PRPF3: variants seen among roughly 807,000 people sequenced by gnomAD.
PRPF3 encodes the protein U4/U6 small nuclear ribonucleoprotein Prp3.
PRPF3 carries 3 observed loss-of-function variants against 89.2 expected under a neutral mutation model. The observed-to-expected ratio is 0.03, with a 90% CI of 0.02 to 0.09. The LOEUF (loss-of-function observed/expected upper bound fraction) is 0.09. Among genes scored for constraint, PRPF3 ranks in the 10% least tolerant of loss-of-function variants. PRPF3 has a pLI of 1.00. For missense variants in PRPF3, 463 were observed against 828.8 expected, an observed-to-expected ratio of 0.56 and a Z score of 5.42; for synonymous variants, 270 against 289.1, an observed-to-expected ratio of 0.93 and a Z score of 0.67.
intron 7 of PRPF3, among the ~76,000 whole-genome samples, chr1:150,335,822 G>A (rs1656924393): frequency 6.7e-6 from 1 of 148,234 alleles, no homozygotes; most frequent in Non-Finnish European, 1.5e-5. Flanking sequence ...GGGCTGGAGT[G>A]CAGTGGTACA....
At chr1:150,341,105 C>CAAAAA (rs71086503) in intron 9 of PRPF3, among the ~76,000 whole-genome samples, 7 of 86,718 alleles carry the variant, frequency 8.1e-5, no homozygotes, top group South Asian at 4.2e-4. Flanking sequence ...GACCTTGTCT[C>CAAAAA]AAAAAAAAAA....
intron 14 of PRPF3, among the ~76,000 whole-genome samples, chr1:150,347,028 G>A (rs587733500): frequency 1.3e-5 from 2 of 152,214 alleles, no homozygotes; most frequent in South Asian, 2.1e-4. Context: ...GGAGGTCGAG[G>A]CTGCAGTAAG....
chr1:150,338,105 T>G, intron 7 of PRPF3, 55 bp from the exon 8 acceptor site: 1 of 1,553,328 alleles, frequency 6.4e-7, no homozygotes, highest in Non-Finnish European at 8.8e-7. Context: ...ATTCTACACA[T>G]TCTGTTTTCT....
At chr1:150,322,185 T>A (rs917433244) in intron 1 of PRPF3, among the ~76,000 whole-genome samples, 2 of 152,228 alleles carry the variant, frequency 1.3e-5, no homozygotes, top group Admixed American at 1.3e-4. Context: ...AAATTGCTTA[T>A]ACTTTCTAGC....
chr1:150,352,872 A>C lies in PRPF3; in HGVS notation c.1945A>C (p.Lys649Gln), dbSNP rs1553874717. 6.2e-7 allele frequency: 1 copy of C among 1,614,216 alleles called. No individual in the cohort carries two copies. Among genetic ancestry groups the C allele is most frequent in the Non-Finnish European group, 8.5e-7 (1 of 1,180,036 alleles). Residue 649 changes from lysine to glutamine, a missense_variant, in exon 16 of 16, where the codon AAA becomes CAA. Physicochemically the swap from Lys to Gln is moderately conservative, Grantham distance 53. This residue lies in a region of PRPF3 where 78 missense variants were observed against 96.6 expected (regional missense o/e 0.81). Coordinates refer to ENST00000324862, the MANE Select transcript of PRPF3 (RefSeq NM_004698.4). The part of the protein sequence containing the change: ...KDRSFGEMKF[K>Q]QCPTENMARE... ...CCGGAGCTTTGGAGAGATGAAGTTTAAACAGTGTCCTACAGAGAACATGGC... is the reference window on the plus strand; with the variant it reads ...CCGGAGCTTTGGAGAGATGAAGTTTCAACAGTGTCCTACAGAGAACATGGC...
intron 6 of PRPF3, among the ~76,000 whole-genome samples, chr1:150,334,435 C>T (rs781943121): frequency 2.6e-5 from 4 of 152,138 alleles, no homozygotes; most frequent in Non-Finnish European, 5.9e-5. Flanking sequence ...GATCTCGGCT[C>T]CCTGCAACCT....
intron 14 of PRPF3, chr1:150,348,798 A>T (rs1658594414): frequency 3.5e-6 from 1 of 287,760 alleles, no homozygotes; most frequent in East Asian, 9.0e-5. Flanking sequence ...CTCCTCCTCC[A>T]TTGGGTGAAA....
rs4926421 is a variant in PRPF3, at chr1:150,333,303, T to C, written c.728+104T>C. ...GGCTGGGCGCAGTGCCTCAGGCCTGTAATCGTAGCACTTTGGGAGGCTGAG... is the reference window on the plus strand; with the variant it reads ...GGCTGGGCGCAGTGCCTCAGGCCTGCAATCGTAGCACTTTGGGAGGCTGAG... On this transcript the variant is annotated intron_variant, in intron 6 of 15. Transcript: ENST00000324862. 6.7e-3 allele frequency: 8,532 copies of C among 1,272,386 alleles called. 544 individuals are homozygous for C. The Admixed American group carries it at 0.11, about 16-fold the overall frequency. The allele number at this position is 1,272,386 out of a possible 1,614,324, so 78.8% of individuals were successfully genotyped here. A position where few individuals can be genotyped will look rare whatever the true frequency, so the allele number is the denominator to read the frequency against.
At chr1:150,346,635 T>C in intron 14 of PRPF3, 144 bp downstream of exon 14, 1 of 804,286 alleles carries the variant, frequency 1.2e-6, no homozygotes, top group Non-Finnish European at 2.1e-6. Flanking sequence ...CGTTTAGACT[T>C]TGAGCCTCCT....
chr1:150,325,693 A>C, intron 2 of PRPF3, 58 bp from the exon 3 acceptor site: 14 of 1,588,290 alleles, frequency 8.8e-6, no homozygotes, highest in Non-Finnish European at 1.2e-5. Context: ...TTATAGGCCT[A>C]GTATTAGACT....
intron 7 of PRPF3, among the ~76,000 whole-genome samples, chr1:150,336,018 T>C (rs1195074447): frequency 6.6e-6 from 1 of 152,146 alleles, no homozygotes; most frequent in Non-Finnish European, 1.5e-5. Flanking sequence ...TCTGCCTGCC[T>C]TGACCTCCCA....
chr1:150,323,410 A>G (rs1279124598), intron 1 of PRPF3, among the ~76,000 whole-genome samples: 1 of 151,802 alleles, frequency 6.6e-6, no homozygotes, highest in Non-Finnish European at 1.5e-5. Flanking sequence ...TTCGGAGGTC[A>G]AGGTGGGCAG....
chr1:150,343,414 A>G lies in PRPF3; in HGVS notation c.1388A>G (p.Lys463Arg). The stretch of plus-strand genomic sequence containing the variant: ...GAAGCACAGAAGGAACTACAAGAAA[A>G]AGTCAGGCTGGGCCTGATGCCTCCT... Reference protein sequence around the residue: ...RREAQKELQEKVRLGLMPPPE... With the variant: ...RREAQKELQERVRLGLMPPPE... The change falls in exon 10 of 16, where the codon AAA becomes AGA. Residue 463 changes from lysine to arginine, a missense_variant. By Grantham distance (26) the Lys-to-Arg change is conservative (BLOSUM62 2). Coordinates refer to ENST00000324862, the MANE Select transcript of PRPF3 (RefSeq NM_004698.4). 6.2e-7 allele frequency: 1 copy of G among 1,614,026 alleles called. No individual in the cohort carries two copies. Among genetic ancestry groups the G allele is most frequent in the Non-Finnish European group, 8.5e-7 (1 of 1,179,950 alleles).
chr1:150,350,325 C>G (rs1658794607), intron 15 of PRPF3, among the ~76,000 whole-genome samples: 1 of 152,180 alleles, frequency 6.6e-6, no homozygotes, highest in African/African-American at 2.4e-5. Flanking sequence ...CCTCGGCCTC[C>G]CGAGTAGCTG....
At chr1:150,329,772 G>C (rs1381363616) in intron 4 of PRPF3, 1 of 152,044 alleles carries the variant, frequency 6.6e-6, no homozygotes, top group Non-Finnish European at 1.5e-5. Context: ...TTTTTTTTGT[G>C]TGTGTGTGTG....
intron 1 of PRPF3, among the ~76,000 whole-genome samples, chr1:150,322,840 T>C (rs1228760310): frequency 1.3e-5 from 2 of 151,212 alleles, no homozygotes. Flanking sequence ...GCTTGGAAAT[T>C]GAGGTCAGTC....
At chr1:150,349,307 A>G in intron 15 of PRPF3, 89 bp downstream of exon 15, 1 of 959,330 alleles carries the variant, frequency 1.0e-6, no homozygotes, top group Non-Finnish European at 1.7e-6. Flanking sequence ...TGTAAGATGT[A>G]ATCAGTGAAT....
At position 150,333,113 on chromosome 1, in the gene PRPF3, A is replaced by G; in HGVS notation, c.642A>G (p.Gln214=). 1.9e-6 allele frequency: 3 copies of G among 1,614,252 alleles called. No homozygotes were observed. The highest frequency in any genetic ancestry group is 2.2e-5 in the East Asian group (1 of 44,884). ...RKAAELQARI[Q]AQLALKPGLI... The stretch of plus-strand genomic sequence containing the variant: ...CAGCTGAACTGCAAGCTCGAATCCA[A>G]GCCCAGCTGGCACTGAAGCCAGGAC... The change falls in exon 6 of 16, where the codon CAA becomes CAG. Residue 214 remains glutamine, a synonymous_variant. Transcript: ENST00000324862.
At chr1:150,322,453 G>A (rs1033355023) in intron 1 of PRPF3, among the ~76,000 whole-genome samples, 3 of 152,220 alleles carry the variant, frequency 2.0e-5, no homozygotes, top group African/African-American at 7.2e-5. Context: ...CTGTTTCTGT[G>A]TGAACTCTTG....
Sources: allele counts gnomAD v4.1 joint callset (sites outside exome capture counted in the v4.1 genomes callset), GRCh38; gene constraint gnomAD v4.1.1; regional missense constraint gnomAD v4.1.1; transcripts MANE v1.5; gene names NCBI Gene and HGNC (gene_info 2026-07-23, HGNC 2026-07-21).